The following TRANK1 variants were observed in gnomAD, a reference collection of about 807,000 sequenced individuals.
TRANK1 encodes TPR and ankyrin repeat-containing protein 1.
Under a neutral mutation model 266.0 loss-of-function variants are expected in TRANK1, and 198 were observed. That is an observed-to-expected ratio of 0.74 (90% CI 0.66 to 0.84). The LOEUF (loss-of-function observed/expected upper bound fraction) is 0.84, where lower values mean the gene tolerates loss of function less well. Among genes scored for constraint, TRANK1 ranks in the 40% least tolerant of loss-of-function variants. The pLI, the probability that TRANK1 is intolerant of heterozygous loss-of-function variation, is 0.00. For synonymous variants in TRANK1, 1,396 were observed against 1,384.1 expected, an observed-to-expected ratio of 1.01 and a Z score of -0.19; for missense variants, 3,326 against 3,634.6, an observed-to-expected ratio of 0.92 and a Z score of 2.18.
intron 2 of TRANK1, among the ~76,000 whole-genome samples, chr3:36,905,070 C>T (rs1453374556): frequency 3.3e-5 from 5 of 151,692 alleles, no homozygotes; most frequent in African/African-American, 4.8e-5. Context: ...GGGCGGATCA[C>T]GAGGTCAGGA....
Position 36,842,960 on chromosome 3 carries a change from C to T in TRANK1, c.5192-250G>A, listed in dbSNP as rs143026282. Among the ~76,000 whole-genome samples, 46 of 152,272 alleles carry T rather than the reference C, an allele frequency of 3.0e-4. No homozygotes were observed. In the East Asian group the frequency reaches 6.4e-3, roughly 21 times the overall value. On this transcript the variant is annotated intron_variant, in intron 17 of 23. Coordinates refer to ENST00000645898, the MANE Select transcript of TRANK1 (RefSeq NM_001329998.2). ...GGTGTCCTTAGAAGAAATTAGAACA[C>T]GGGGCGACCCCAGGGGCAAGAGAGC...
intron 4 of TRANK1, among the ~76,000 whole-genome samples, chr3:36,896,800 G>A (rs534952691): frequency 4.7e-4 from 72 of 152,246 alleles, no homozygotes; most frequent in African/African-American, 1.7e-3. Flanking sequence ...TTTGAGACAA[G>A]CCTGGCCAAC....
chr3:36,838,404 G>A lies in TRANK1; in HGVS notation c.5485C>T (p.Leu1829Phe). Reference sequence around the variant, plus strand: ...AGCCTCTCGCACAGCTGGGCAGAGAGCTGGAACTCCTTGGCATAGCTCAGA... The same window carrying A: ...AGCCTCTCGCACAGCTGGGCAGAGAACTGGAACTCCTTGGCATAGCTCAGA... Reference protein sequence around the residue: ...KCLSYAKEFQLSAQLCERLGK... With the variant: ...KCLSYAKEFQFSAQLCERLGK... Residue 1829 changes from leucine to phenylalanine, a missense_variant, in exon 20 of 24, where the codon CTC (leucine) becomes TTC (phenylalanine). By Grantham distance (22) the Leu-to-Phe change is conservative. Coordinates refer to ENST00000645898, the MANE Select transcript of TRANK1 (RefSeq NM_001329998.2). 1 of 1,614,052 alleles carries A rather than the reference G, an allele frequency of 6.2e-7. No individual in the cohort carries two copies. Among genetic ancestry groups the A allele is most frequent in the East Asian group, 2.2e-5 (1 of 44,886 alleles).
At chr3:36,926,506 A>G (rs1445480954) in intron 1 of TRANK1, among the ~76,000 whole-genome samples, 2 of 152,210 alleles carry the variant, frequency 1.3e-5, no homozygotes, top group African/African-American at 2.4e-5. Flanking sequence ...CATGGCAATC[A>G]TCCACCGTGA....
chr3:36,893,575 A>G (rs887529197), intron 5 of TRANK1, among the ~76,000 whole-genome samples: 1 of 152,200 alleles, frequency 6.6e-6, no homozygotes. Context: ...AATGCTACAA[A>G]TCGGGACCTT....
chr3:36,841,884 G>T (rs2078849005), intron 18 of TRANK1, among the ~76,000 whole-genome samples: 1 of 146,792 alleles, frequency 6.8e-6, no homozygotes, highest in African/African-American at 2.6e-5. Flanking sequence ...GACCTGACTT[G>T]TTGTTATTAG....
intron 4 of TRANK1, among the ~76,000 whole-genome samples, chr3:36,896,137 CAAATATTGTTACCCAA>C (rs2079786397): frequency 6.6e-6 from 1 of 152,164 alleles, no homozygotes; most frequent in African/African-American, 2.4e-5. Flanking sequence ...AAAAATGTGA[CAAATATTGTTACCCAA>C]AACATTAGAA....
intron 17 of TRANK1, among the ~76,000 whole-genome samples, chr3:36,843,093 T>A (rs2078870057): frequency 6.6e-6 from 1 of 152,162 alleles, no homozygotes; most frequent in South Asian, 2.1e-4. Flanking sequence ...CTTCTAGCCT[T>A]CAGAACTGTG....
intron 1 of TRANK1, among the ~76,000 whole-genome samples, chr3:36,919,013 T>C (rs1575316941): frequency 6.6e-6 from 1 of 152,346 alleles, no homozygotes; most frequent in South Asian, 2.1e-4. Flanking sequence ...AAAAACTATA[T>C]TATGCAATAA....
chr3:36,884,145 C>A (rs2079569075), intron 8 of TRANK1, among the ~76,000 whole-genome samples: 1 of 152,128 alleles, frequency 6.6e-6, no homozygotes. Context: ...TCAGAGATAT[C>A]AGTATAAACT....
chr3:36,944,200 T>C (rs1375232577), intron 1 of TRANK1, among the ~76,000 whole-genome samples: 1 of 152,130 alleles, frequency 6.6e-6, no homozygotes, highest in Admixed American at 6.5e-5. Flanking sequence ...ACCTTCCCCC[T>C]AGACTCGGTG....
intron 1 of TRANK1, among the ~76,000 whole-genome samples, chr3:36,940,310 A>T (rs188471039): frequency 8.3e-4 from 125 of 151,272 alleles, no homozygotes; most frequent in African/African-American, 2.9e-3. Flanking sequence ...ATCCTGGCTA[A>T]CATGGTGAAA....
upstream of TRANK1, chr3:36,945,138 A>C: frequency 3.0e-6 from 1 of 338,738 alleles, no homozygotes; most frequent in Non-Finnish European, 5.3e-6. Flanking sequence ...CATCGCGTTC[A>C]AAAGGGGCGT....
chr3:36,854,318 C>G (rs189128932), intron 13 of TRANK1, among the ~76,000 whole-genome samples: 39 of 152,008 alleles, frequency 2.6e-4, no homozygotes, highest in African/African-American at 9.2e-4. Context: ...CGAGGTCACG[C>G]CACTGCACTC....
At position 36,880,235 on chromosome 3, in the gene TRANK1, T is replaced by A. The variant is rs554210751; in HGVS notation, c.908-5939A>T. On this transcript the variant is annotated intron_variant, in intron 8 of 23. Transcript: ENST00000645898. ...TTAGTCTTTCTTCATAAAAAGCAAT[T>A]ACAATTTAAGGACCCTTCACACTTG... 1.3e-4 allele frequency: 31 copies of A among 239,810 alleles called. 1 individual carries two copies. The South Asian group carries it at 1.5e-3, about 12-fold the overall frequency. The allele number at this position is 239,810 out of a possible 1,614,324, so 14.9% of individuals were successfully genotyped here. A position where few individuals can be genotyped will look rare whatever the true frequency, so the allele number is the denominator to read the frequency against.
At chr3:36,843,605 C>CA (rs1480277787) in intron 17 of TRANK1, among the ~76,000 whole-genome samples, 2 of 151,636 alleles carry the variant, frequency 1.3e-5, no homozygotes, top group African/African-American at 4.9e-5. Context: ...CTGCATCCCC[C>CA]AGAGTATCAC....
intron 8 of TRANK1, among the ~76,000 whole-genome samples, chr3:36,875,241 T>C (rs1408428059): frequency 2.0e-5 from 3 of 152,190 alleles, no homozygotes; most frequent in Non-Finnish European, 4.4e-5. Flanking sequence ...CCTGACCTAA[T>C]CACATGAGTC....
chr3:36,853,764 A>C (rs966385837), intron 13 of TRANK1, among the ~76,000 whole-genome samples: 39 of 152,260 alleles, frequency 2.6e-4, no homozygotes, highest in Non-Finnish European at 5.0e-4. Flanking sequence ...AACCAGACAC[A>C]AAAGGCCATG....
At position 36,941,895 on chromosome 3, in the gene TRANK1, G is replaced by T. The variant is rs2080501505; in HGVS notation, c.23+2892C>A. ...AGCCTGCGGTCACTCTGAGGGCAAA[G>T]CACTGACATGTCAGCCCCACCTCCC... On this transcript the variant is annotated intron_variant, in intron 1 of 23. Transcript: ENST00000645898. 2.0e-5 allele frequency among the ~76,000 whole-genome samples: 3 copies of T among 152,204 alleles called. No individual in the cohort carries two copies. The South Asian group carries it at 6.2e-4, about 31-fold the overall frequency.
Sources: gnomAD v4.1 joint callset for allele counts (sites outside exome capture counted in the v4.1 genomes callset) on GRCh38, gnomAD v4.1.1 for gene constraint, MANE v1.5 for transcripts, NCBI Gene and HGNC (gene_info 2026-07-23, HGNC 2026-07-21) for gene names.